ATRNL1: variants seen among roughly 807,000 people sequenced by gnomAD.
ATRNL1 encodes attractin-like protein 1.
Under a neutral mutation model 182.7 loss-of-function variants are expected in ATRNL1, and 95 were observed. The ratio of observed to expected loss-of-function variants is 0.52; its 90% CI spans 0.44 to 0.62. The LOEUF (loss-of-function observed/expected upper bound fraction) is 0.62. ATRNL1 is among the 20% of genes least tolerant of loss of function. The pLI is 0.00. For synonymous variants in ATRNL1, 576 were observed against 568.3 expected (o/e 1.01, Z -0.19); for missense variants, 1,471 against 1,679.5 (o/e 0.88, Z 2.17).
intron 26 of ATRNL1, among the ~76,000 whole-genome samples, chr10:115,646,410 A>G (rs534277552): frequency 3.4e-4 from 51 of 152,024 alleles, no homozygotes; most frequent in African/African-American, 1.2e-3. Context: ...TGTGTTAAAG[A>G]CCCCTGTTCT....
chr10:115,811,786 A>G (rs1257378161), intron 27 of ATRNL1, among the ~76,000 whole-genome samples: 1 of 151,942 alleles, frequency 6.6e-6, no homozygotes, highest in Non-Finnish European at 1.5e-5. Context: ...TGTGCCTTTA[A>G]TATAGCCACT....
chr10:115,170,195 A>G (rs1403654550), intron 7 of ATRNL1, among the ~76,000 whole-genome samples: 1 of 152,188 alleles, frequency 6.6e-6, no homozygotes, highest in Non-Finnish European at 1.5e-5. Context: ...AGGCATGCTT[A>G]TCTTGTTCCT....
At chr10:115,132,008 G>A (rs1265930950) in intron 5 of ATRNL1, among the ~76,000 whole-genome samples, 1 of 152,046 alleles carries the variant, frequency 6.6e-6, no homozygotes, top group Middle Eastern at 3.4e-3. Context: ...GTATACATGT[G>A]CCATGTTGGG....
chr10:115,713,557 T>G (rs1169679727), intron 26 of ATRNL1, among the ~76,000 whole-genome samples: 5 of 151,982 alleles, frequency 3.3e-5, no homozygotes, highest in Non-Finnish European at 5.9e-5. Flanking sequence ...AAGGAACTAG[T>G]GTTGGCTACT....
intron 19 of ATRNL1, among the ~76,000 whole-genome samples, chr10:115,354,750 CTTA>C (rs1426903410): frequency 3.9e-5 from 6 of 151,994 alleles, no homozygotes; most frequent in Non-Finnish European, 8.8e-5. Context: ...GAAAAGTTCT[CTTA>C]TTACTTTCTT....
At chr10:115,330,158 ATTCTT>A (rs1855134589) in intron 18 of ATRNL1, among the ~76,000 whole-genome samples, 1 of 152,126 alleles carries the variant, frequency 6.6e-6, no homozygotes, top group Non-Finnish European at 1.5e-5. Flanking sequence ...AACCCACTCT[ATTCTT>A]TAACTTCATT....
chr10:115,542,583 C>A (rs1405815966), intron 25 of ATRNL1, among the ~76,000 whole-genome samples: 1 of 152,010 alleles, frequency 6.6e-6, no homozygotes, highest in Non-Finnish European at 1.5e-5. Context: ...AAAGTTGGTG[C>A]GTAGTGTTAT....
At chr10:115,776,809 T>C (rs969303435) in intron 27 of ATRNL1, among the ~76,000 whole-genome samples, 6 of 152,074 alleles carry the variant, frequency 3.9e-5, no homozygotes, top group Non-Finnish European at 7.4e-5. Context: ...TTCAGTTGTA[T>C]TGGGAATTCT....
chr10:115,150,714 A>T (rs1378474040), intron 5 of ATRNL1, among the ~76,000 whole-genome samples: 1 of 151,490 alleles, frequency 6.6e-6, no homozygotes, highest in South Asian at 2.1e-4. Flanking sequence ...TGATTTTTAA[A>T]TTTTTTTTGA....
rs569635899 is a variant in ATRNL1, at chr10:115,727,446, G to A, written c.3903+91G>A. On this transcript the variant is annotated intron_variant, in intron 27 of 28. Coordinates refer to ENST00000355044, the MANE Select transcript of ATRNL1 (RefSeq NM_207303.4). ...CTACATCTGCTTATGAAGCCAAACAGAGTCTGATTATCTACAGTTGACAAG... is the reference window on the plus strand; with the variant it reads ...CTACATCTGCTTATGAAGCCAAACAAAGTCTGATTATCTACAGTTGACAAG... The A allele has an allele frequency of 1.1e-5, 10 of 946,218 alleles. No individual in the cohort carries two copies. In the African/African-American group the frequency reaches 1.5e-4, roughly 14 times the overall value. 58.6% of individuals were successfully genotyped at this position (946,218 alleles called of 1,614,324 possible).
intron 14 of ATRNL1, among the ~76,000 whole-genome samples, chr10:115,282,362 C>T (rs886294537): frequency 6.6e-6 from 1 of 150,786 alleles, no homozygotes; most frequent in Non-Finnish European, 1.5e-5. Context: ...CACCCATTAA[C>T]TCATCATTTA....
chr10:115,407,844 T>G (rs1004099486), intron 20 of ATRNL1, among the ~76,000 whole-genome samples: 20 of 152,188 alleles, frequency 1.3e-4, no homozygotes, highest in African/African-American at 4.1e-4. Flanking sequence ...GTTTACATTC[T>G]TATCAACAAT....
At chr10:115,557,736 G>A (rs917243764) in intron 26 of ATRNL1, among the ~76,000 whole-genome samples, 1 of 152,208 alleles carries the variant, frequency 6.6e-6, no homozygotes, top group South Asian at 2.1e-4. Context: ...ACGCTAACTA[G>A]TGAAAAAATC....
intron 26 of ATRNL1, among the ~76,000 whole-genome samples, chr10:115,590,090 T>C (rs1855812304): frequency 6.6e-6 from 1 of 152,212 alleles, no homozygotes; most frequent in Non-Finnish European, 1.5e-5. Context: ...CATTGACTCC[T>C]CCAGCCTTAA....
rs1325728790 is a variant in ATRNL1 at position 115,491,889 on chromosome 10, G to C, written c.3654+22560G>C. Among the ~76,000 whole-genome samples the C allele has an allele frequency of 3.3e-5, 5 of 152,166 alleles. No individual in the cohort carries two copies. The East Asian group carries it at 9.7e-4, about 29-fold the overall frequency. On this transcript the variant is annotated intron_variant, in intron 24 of 28. Coordinates refer to ENST00000355044, the MANE Select transcript of ATRNL1 (RefSeq NM_207303.4). ...GGCCCTGGTGGCATAGACACCAGAG[G>C]GAATCTCCTGGTCTGCTGGTTGCGT... is the stretch of plus-strand genomic sequence containing the variant.
chr10:115,450,313 A>G (rs552730301), intron 21 of ATRNL1, among the ~76,000 whole-genome samples: 4 of 152,298 alleles, frequency 2.6e-5, no homozygotes, highest in African/African-American at 9.6e-5. Context: ...AATAAAGAGC[A>G]TCCAAATAGG....
rs369790974 is a variant in ATRNL1 at position 115,519,299 on chromosome 10, G to A, written c.3691G>A (p.Val1231Met). The change falls in exon 25 of 29, where the codon GTG (valine) becomes ATG (methionine). Residue 1231 changes from valine to methionine, a missense_variant. By Grantham distance (21) the Val-to-Met change is conservative. Coordinates refer to ENST00000355044, the MANE Select transcript of ATRNL1 (RefSeq NM_207303.4). ...ACAACACAATACAATCATGGACCTT[G>A]TGCAGTTTTTTGTCACCTTCTTCAG... The part of the protein sequence containing the change: ...FSQHNTIMDL[V>M]QFFVTFFSCF... 84 of 1,610,030 alleles carry A rather than the reference G, an allele frequency of 5.2e-5. No individual in the cohort carries two copies. The highest frequency in any genetic ancestry group is 3.3e-4 in the Middle Eastern group (2 of 6,046).
chr10:115,383,760 A>G (rs895808448), intron 19 of ATRNL1, among the ~76,000 whole-genome samples: 32 of 150,714 alleles, frequency 2.1e-4, no homozygotes, highest in African/African-American at 7.3e-4. Context: ...ATGCTACTTT[A>G]CAAATTAAGA....
intron 19 of ATRNL1, among the ~76,000 whole-genome samples, chr10:115,367,921 A>C (rs1481162043): frequency 2.0e-5 from 3 of 150,420 alleles, no homozygotes; most frequent in Admixed American, 1.3e-4. Context: ...TGCTCTCTTC[A>C]AAGCTGTCAG....
Sources: allele counts gnomAD v4.1 joint callset (sites outside exome capture counted in the v4.1 genomes callset), GRCh38; gene constraint gnomAD v4.1.1; transcripts MANE v1.5; gene names NCBI Gene and HGNC (gene_info 2026-07-23, HGNC 2026-07-21).